Variants in SPMIP4 observed in about 807,000 individuals in gnomAD.
SPMIP4 encodes the protein sperm-associated microtubule inner protein 4.
At chr7:25,169,031 T>G in the SPMIP4 span, among the ~76,000 whole-genome samples, 1 of 151,226 alleles carries the variant, frequency 6.6e-6, no homozygotes, top group Non-Finnish European at 1.5e-5. Context: ...TCTGCCCATG[T>G]GTTTATTTTT....
the SPMIP4 span, among the ~76,000 whole-genome samples, chr7:25,176,998 G>C: frequency 6.6e-6 from 1 of 152,238 alleles, no homozygotes; most frequent in Non-Finnish European, 1.5e-5. This position sits in a 1 kb window ranked among gnomAD's most constrained non-coding sequence, Gnocchi z 4.4. Flanking sequence ...TTCAGATCTT[G>C]AAGGGCTGCT....
At chr7:25,150,546 T>G in the SPMIP4 span, among the ~76,000 whole-genome samples, 2 of 152,236 alleles carry the variant, frequency 1.3e-5, no homozygotes, top group Admixed American at 6.5e-5. Context: ...CTTGCCTATC[T>G]CATGGATTGC....
the SPMIP4 span, among the ~76,000 whole-genome samples, chr7:25,167,873 TATTATTGAAAGG>T: frequency 6.6e-6 from 1 of 152,218 alleles, no homozygotes; most frequent in African/African-American, 2.4e-5. Flanking sequence ...ATTTATAAAC[TATTATTGAAAGG>T]TTTTATCACC....
At chr7:25,161,603 ATTTAT>A in the SPMIP4 span, among the ~76,000 whole-genome samples, 1 of 137,500 alleles carries the variant, frequency 7.3e-6, no homozygotes, top group African/African-American at 2.6e-5. Context: ...AGAACTTTTT[ATTTAT>A]TTTATTTATA....
the SPMIP4 span, among the ~76,000 whole-genome samples, chr7:25,165,338 C>T: frequency 2.0e-5 from 3 of 152,146 alleles, no homozygotes; most frequent in Non-Finnish European, 2.9e-5. Context: ...GACAAGATTA[C>T]AACTGAACTA....
At chr7:25,156,187 G>A in the SPMIP4 span, among the ~76,000 whole-genome samples, 1 of 152,168 alleles carries the variant, frequency 6.6e-6, no homozygotes, top group African/African-American at 2.4e-5. Flanking sequence ...ATAAGGCAGA[G>A]ATCGGGATGA....
At chr7:25,147,641 T>C in the SPMIP4 span, among the ~76,000 whole-genome samples, 1 of 152,184 alleles carries the variant, frequency 6.6e-6, no homozygotes, top group Non-Finnish European at 1.5e-5. Flanking sequence ...CCCCGGGACT[T>C]AATTTTTAAA....
chr7:25,155,082 G>A, the SPMIP4 span: 9 of 1,613,974 alleles, frequency 5.6e-6, no homozygotes, highest in Non-Finnish European at 6.8e-6. Flanking sequence ...CTGGGTGCGG[G>A]CTTTAATGCC....
At chr7:25,152,159 C>CT in the SPMIP4 span, among the ~76,000 whole-genome samples, 2 of 151,934 alleles carry the variant, frequency 1.3e-5, no homozygotes, top group East Asian at 3.8e-4. Flanking sequence ...TCTTTCTGAT[C>CT]TTTTTTTCTG....
chr7:25,151,976 A>C, the SPMIP4 span, among the ~76,000 whole-genome samples: 4 of 152,108 alleles, frequency 2.6e-5, no homozygotes, highest in South Asian at 2.1e-4. Flanking sequence ...AGGCCACCAC[A>C]CTTGGCTTGT....
chr7:25,125,823 A>G, the SPMIP4 span: 2 of 725,264 alleles, frequency 2.8e-6, no homozygotes, highest in African/African-American at 3.8e-5. Context: ...GCCTGGAACC[A>G]GGAGTTACAC....
the SPMIP4 span, among the ~76,000 whole-genome samples, chr7:25,144,899 T>C: frequency 6.6e-6 from 1 of 152,184 alleles, no homozygotes; most frequent in Non-Finnish European, 1.5e-5. Context: ...GAAAGCCCCT[T>C]TTGATCTCCT....
At chr7:25,171,993 C>G in the SPMIP4 span, among the ~76,000 whole-genome samples, 93,052 of 151,914 alleles carry the variant, frequency 0.61, 29,082 homozygotes, top group African/African-American at 0.71. Flanking sequence ...AGGATTCTTG[C>G]GGGAAATCAC....
the SPMIP4 span, among the ~76,000 whole-genome samples, chr7:25,134,430 G>T: frequency 2.6e-5 from 4 of 151,716 alleles, no homozygotes; most frequent in Non-Finnish European, 5.9e-5. Context: ...TTGGAGTTTG[G>T]TATTTTCTGT....
the SPMIP4 span, among the ~76,000 whole-genome samples, chr7:25,126,671 TAA>T: frequency 6.7e-6 from 1 of 149,600 alleles, no homozygotes; most frequent in African/African-American, 2.4e-5. Context: ...TTATTTTTGA[TAA>T]GTTAGGTTAA....
At chr7:25,134,362 CA>C in the SPMIP4 span, among the ~76,000 whole-genome samples, 1 of 128,544 alleles carries the variant, frequency 7.8e-6, no homozygotes, top group African/African-American at 2.9e-5. Flanking sequence ...ACCAAAAAAA[CA>C]AAAACAAAAA....
the SPMIP4 span, among the ~76,000 whole-genome samples, chr7:25,129,000 A>G: frequency 7.9e-5 from 12 of 152,216 alleles, no homozygotes; most frequent in Non-Finnish European, 1.2e-4. This position sits in a 1 kb window ranked among gnomAD's most constrained non-coding sequence, Gnocchi z 4.5. Flanking sequence ...CTGAGCTGGT[A>G]TTCAAGTTGT....
At chr7:25,139,592 G>A in the SPMIP4 span, among the ~76,000 whole-genome samples, 1 of 152,124 alleles carries the variant, frequency 6.6e-6, no homozygotes, top group African/African-American at 2.4e-5. Flanking sequence ...CCTTTTGAAA[G>A]CTAATCTGTT....
the SPMIP4 span, chr7:25,158,387 A>AAAAAAAAAAT: frequency 6.6e-6 from 5 of 756,048 alleles, no homozygotes; most frequent in East Asian, 1.4e-4. Flanking sequence ...AAAAAAAAAA[A>AAAAAAAAAAT]AGAAACGTTT....
Sources: gnomAD v4.1 joint callset for allele counts (sites outside exome capture counted in the v4.1 genomes callset) on GRCh38, gnomAD v4.1.1 for gene constraint, Gnocchi (gnomAD v3.1) non-coding constraint, MANE v1.5 for transcripts, NCBI Gene and HGNC (gene_info 2026-07-23, HGNC 2026-07-21) for gene names.